The following CLASP1 variants were observed in gnomAD, a reference collection of about 807,000 sequenced individuals.
CLASP1 encodes CLIP-associating protein 1.
CLASP1 carries 38 observed loss-of-function variants against 192.3 expected under a neutral mutation model. The observed-to-expected ratio is 0.20, with a 90% confidence interval of 0.15 to 0.26. CLASP1 has a LOEUF of 0.26. Ranked by LOEUF, CLASP1 falls within the 10% of genes least tolerant of loss-of-function variation. The pLI is 1.00. For missense variants in CLASP1, 1,433 were observed against 1,932.5 expected (o/e 0.74, Z 4.85); for synonymous variants, 691 against 712.8 (o/e 0.97, Z 0.49).
chr2:121,496,587 C>T (rs999360279), intron 8 of CLASP1, among the ~76,000 whole-genome samples: 1 of 54,996 alleles, frequency 1.8e-5, no homozygotes, highest in Non-Finnish European at 3.1e-5. Flanking sequence ...AAAGCTGGTT[C>T]GGTGAAACAA....
intron 1 of CLASP1, among the ~76,000 whole-genome samples, chr2:121,621,141 C>T (rs568702608): frequency 1.3e-5 from 2 of 151,974 alleles, no homozygotes; most frequent in South Asian, 4.2e-4. Flanking sequence ...ATTGTTGAGC[C>T]CAGCAGGAAG....
At chr2:121,515,569 A>G in intron 7 of CLASP1, 96 bp downstream of exon 7, 1 of 950,558 alleles carries the variant, frequency 1.1e-6, no homozygotes, top group Non-Finnish European at 1.6e-6. Context: ...TAAAATAACC[A>G]CAACAGAAAA....
At chr2:121,352,174 T>C (rs2149157632) in intron 37 of CLASP1, among the ~76,000 whole-genome samples, 1 of 152,294 alleles carries the variant, frequency 6.6e-6, no homozygotes, top group African/African-American at 2.4e-5. Context: ...GGAGCATGGA[T>C]ATGTGCAGAA....
At chr2:121,556,616 T>TTGGA (rs2105247194) in intron 2 of CLASP1, among the ~76,000 whole-genome samples, 1 of 152,318 alleles carries the variant, frequency 6.6e-6, no homozygotes, top group East Asian at 1.9e-4. Context: ...ACTGTTAACA[T>TTGGA]GCTTATTGGC....
At chr2:121,620,163 G>A (rs1439364357) in intron 1 of CLASP1, among the ~76,000 whole-genome samples, 1 of 151,226 alleles carries the variant, frequency 6.6e-6, no homozygotes, top group Non-Finnish European at 1.5e-5. Flanking sequence ...GGAGGTCACA[G>A]TGAGCCAAAA....
intron 2 of CLASP1, among the ~76,000 whole-genome samples, chr2:121,589,138 C>G (rs753684473): frequency 6.6e-6 from 1 of 152,214 alleles, no homozygotes; most frequent in South Asian, 2.1e-4. Flanking sequence ...GTCCCCAGTG[C>G]TGTCTCCAGA....
chr2:121,355,618 C>T (rs917881177), intron 37 of CLASP1, among the ~76,000 whole-genome samples: 1 of 152,158 alleles, frequency 6.6e-6, no homozygotes, highest in Non-Finnish European at 1.5e-5. Context: ...TATGCCAAAC[C>T]CCTGGCTTTG....
chr2:121,401,645 C>T, exon 28 of CLASP1: 1 of 1,611,200 alleles, frequency 6.2e-7, no homozygotes, highest in Non-Finnish European at 8.5e-7. Flanking sequence ...ATAAAATCCA[C>T]AAGAGTCTCC....
intron 1 of CLASP1, among the ~76,000 whole-genome samples, chr2:121,618,752 C>T (rs2066865936): frequency 7.2e-6 from 1 of 138,964 alleles, no homozygotes; most frequent in Admixed American, 6.9e-5. Flanking sequence ...AGAAATTCTA[C>T]TAGAGTTCTC....
rs563158488 is a variant in CLASP1, at chr2:121,426,304, A to T, written c.2045-998T>A. ...AGACAAAGAAGGATATTTAATATTT[A>T]TGAAAGAATAATTGTCCATGAAGAT... On this transcript the variant is annotated intron_variant, in intron 21 of 39. Transcript: ENST00000263710. 3.9e-5 allele frequency among the ~76,000 whole-genome samples: 6 copies of T among 152,372 alleles called. No homozygotes were observed. In the East Asian group the frequency reaches 1.2e-3, roughly 29 times the overall value.
chr2:121,513,367 G>A (rs145984566), intron 7 of CLASP1, among the ~76,000 whole-genome samples: 3 of 152,278 alleles, frequency 2.0e-5, no homozygotes, highest in African/African-American at 4.8e-5. Flanking sequence ...TAGGTAACGT[G>A]AGCTAGCAGA....
chr2:121,387,109 G>C lies in CLASP1; in HGVS notation c.3374+13C>G. Reference sequence around the variant, plus strand: ...TTTCTTTACATCTGTGGAAAGTAAAGAAGTGACCTTACCTTGGAGACAGAC... The same window carrying C: ...TTTCTTTACATCTGTGGAAAGTAAACAAGTGACCTTACCTTGGAGACAGAC... On this transcript the variant is annotated intron_variant, in intron 32 of 39. Transcript: ENST00000263710. The C allele has an allele frequency of 6.2e-7, 1 of 1,604,318 alleles. No individual in the cohort carries two copies. Among genetic ancestry groups the C allele is most frequent in the Non-Finnish European group, 8.5e-7 (1 of 1,171,616 alleles).
intron 2 of CLASP1, among the ~76,000 whole-genome samples, chr2:121,565,250 T>A (rs1459179736): frequency 6.6e-6 from 1 of 152,188 alleles, no homozygotes; most frequent in African/African-American, 2.4e-5. Flanking sequence ...CATGAGTTCC[T>A]CAGGGCAGGA....
At chr2:121,451,113 G>A (rs1468707335) in intron 15 of CLASP1, 123 bp from the exon 16 acceptor site, 1 of 699,320 alleles carries the variant, frequency 1.4e-6, no homozygotes, top group Admixed American at 2.5e-5. Context: ...GCCAAGGCTG[G>A]TCAGTTCCCA....
chr2:121,530,563 G>A (rs2094751777), intron 2 of CLASP1: 4 of 543,700 alleles, frequency 7.4e-6, no homozygotes, highest in Non-Finnish European at 1.3e-5. Context: ...AGGCAATACA[G>A]CGTAGCCAAA....
intron 2 of CLASP1, chr2:121,530,898 G>C (rs563882222): frequency 7.2e-6 from 5 of 695,140 alleles, no homozygotes; most frequent in African/African-American, 1.8e-5. Flanking sequence ...TTTTCTTGGG[G>C]TTGCGCTACT....
intron 19 of CLASP1, among the ~76,000 whole-genome samples, chr2:121,438,713 G>A (rs1031049624): frequency 3.9e-5 from 6 of 152,014 alleles, no homozygotes; most frequent in Admixed American, 6.6e-5. Flanking sequence ...TTTTCGATGT[G>A]CTGCTGGATT....
At chr2:121,392,926 A>C (rs1397706064) in intron 30 of CLASP1, among the ~76,000 whole-genome samples, 1 of 152,146 alleles carries the variant, frequency 6.6e-6, no homozygotes, top group East Asian at 1.9e-4. Context: ...CACCTCACTC[A>C]CTGGTGATTC....
chr2:121,478,901 C>A (rs2092236508), intron 8 of CLASP1, among the ~76,000 whole-genome samples: 1 of 55,004 alleles, frequency 1.8e-5, no homozygotes, highest in Admixed American at 1.8e-4. Flanking sequence ...ACACACACAC[C>A]ACACCACACA....
Sources: gnomAD v4.1 joint callset for allele counts (sites outside exome capture counted in the v4.1 genomes callset) on GRCh38, gnomAD v4.1.1 for gene constraint, MANE v1.5 for transcripts, NCBI Gene and HGNC (gene_info 2026-07-23, HGNC 2026-07-21) for gene names.